Variants in SLC1A2 observed in about 807,000 individuals in gnomAD.
SLC1A2 encodes solute carrier family 1 member 2.
In SLC1A2, 15 loss-of-function variants were observed where a neutral mutation model predicts 48.8. That is an observed-to-expected ratio of 0.31 (90% CI 0.21 to 0.47). The LOEUF (loss-of-function observed/expected upper bound fraction) is 0.47, where lower values mean the gene tolerates loss of function less well. SLC1A2 is among the 20% of genes least tolerant of loss of function. The pLI is 0.99. For synonymous variants in SLC1A2, 279 were observed against 272.6 expected (o/e 1.02, Z -0.23); for missense variants, 502 against 730.5 (o/e 0.69, Z 3.61).
chr11:35,326,603 T>G (rs1852260598), intron 1 of SLC1A2, among the ~76,000 whole-genome samples: 1 of 152,192 alleles, frequency 6.6e-6, no homozygotes, highest in South Asian at 2.1e-4. Context: ...TTTTCTTCCT[T>G]CTAGACTGAG....
chr11:35,389,434 T>C (rs2135233447), intron 1 of SLC1A2, among the ~76,000 whole-genome samples: 1 of 133,544 alleles, frequency 7.5e-6, no homozygotes, highest in East Asian at 2.0e-4. Flanking sequence ...ATTAGTATTT[T>C]CTTCTTCTTC....
At chr11:35,357,877 T>C (rs576290763) in intron 1 of SLC1A2, among the ~76,000 whole-genome samples, 1 of 152,340 alleles carries the variant, frequency 6.6e-6, no homozygotes, top group South Asian at 2.1e-4. Flanking sequence ...CAGTGTGCCA[T>C]GGCTCATGCC....
At chr11:35,284,540 A>G (rs2134705832) in intron 8 of SLC1A2, among the ~76,000 whole-genome samples, 1 of 115,950 alleles carries the variant, frequency 8.6e-6, no homozygotes, top group Non-Finnish European at 1.8e-5. Context: ...TCATGTTTTC[A>G]TATTGTGTGT....
intron 1 of SLC1A2, among the ~76,000 whole-genome samples, chr11:35,378,965 A>G (rs528098965): frequency 6.6e-6 from 1 of 152,220 alleles, no homozygotes; most frequent in Admixed American, 6.5e-5. Flanking sequence ...GCAGTGACTC[A>G]TGCCTGTAAT....
At position 35,265,802 on chromosome 11, in the gene SLC1A2, A is replaced by G. The variant is rs76960251; in HGVS notation, c.1422-44T>C. On this transcript the variant is annotated intron_variant, in intron 9 of 10. Transcript: ENST00000278379. Reference sequence around the variant, plus strand: ...AAAGGTTCAGTGAGGAAGCAGTATTATGTGGTAGTTGAGAGGTCAAGGTCT... The same window carrying G: ...AAAGGTTCAGTGAGGAAGCAGTATTGTGTGGTAGTTGAGAGGTCAAGGTCT... 6.6e-5 allele frequency: 84 copies of G among 1,280,026 alleles called. No individual in the cohort carries two copies. The East Asian group carries it at 1.3e-3, about 20-fold the overall frequency. 79.3% of individuals were successfully genotyped at this position (1,280,026 alleles called of 1,614,324 possible).
At chr11:35,330,727 T>C (rs1197707816) in intron 1 of SLC1A2, among the ~76,000 whole-genome samples, 1 of 152,080 alleles carries the variant, frequency 6.6e-6, no homozygotes, top group Non-Finnish European at 1.5e-5. Flanking sequence ...CACAGCCCAA[T>C]GTTGCTGGCT....
chr11:35,367,992 T>A (rs999548202), intron 1 of SLC1A2, among the ~76,000 whole-genome samples: 2 of 152,222 alleles, frequency 1.3e-5, no homozygotes, highest in Non-Finnish European at 2.9e-5. Flanking sequence ...TCTGCTCTGT[T>A]TGTTAAAAAT....
chr11:35,258,689 C>G lies in SLC1A2; in HGVS notation c.*2205G>C, dbSNP rs2134577855. On this transcript the variant is annotated 3_prime_UTR_variant, in exon 11 of 11. Transcript: ENST00000278379. Reference sequence around the variant, plus strand: ...GGGCACGGTGGCTCACGCCTGTAATCCCAGCACTTTGGGAGGCCATGGCGG... The same window carrying G: ...GGGCACGGTGGCTCACGCCTGTAATGCCAGCACTTTGGGAGGCCATGGCGG... 1 of 152,592 alleles carries G rather than the reference C, an allele frequency of 6.6e-6. No individual in the cohort carries two copies. The highest frequency in any genetic ancestry group is 2.1e-4 in the South Asian group (1 of 4,836). 9.5% of individuals were successfully genotyped at this position (152,592 alleles called of 1,614,324 possible).
chr11:35,374,869 G>A (rs1181646812), intron 1 of SLC1A2, among the ~76,000 whole-genome samples: 1 of 152,142 alleles, frequency 6.6e-6, no homozygotes, highest in Non-Finnish European at 1.5e-5. Context: ...TGTGTAAGGT[G>A]ATACACATAC....
chr11:35,412,127 A>C (rs1256330608), intron 1 of SLC1A2, among the ~76,000 whole-genome samples: 1 of 151,994 alleles, frequency 6.6e-6, no homozygotes, highest in East Asian at 1.9e-4. Flanking sequence ...CAAAATATGG[A>C]TAATACAAAA....
In SLC1A2 at chr11:35,252,411, T is replaced by C. The variant is rs1292349092; in HGVS notation, c.*8483A>G. ...GCAAAGGAGGACTGTAGATGGATGTTCTCATTCTAAACCTACCTAAGTCTA... is the reference window on the plus strand; with the variant it reads ...GCAAAGGAGGACTGTAGATGGATGTCCTCATTCTAAACCTACCTAAGTCTA... On this transcript the variant is annotated 3_prime_UTR_variant, in exon 11 of 11. Transcript: ENST00000278379. 6.6e-6 allele frequency: 1 copy of C among 152,138 alleles called. No individual in the cohort carries two copies. The highest frequency in any genetic ancestry group is 2.4e-5 in the African/African-American group (1 of 41,426). The allele number at this position is 152,138 out of a possible 1,614,324, so 9.4% of individuals were successfully genotyped here. A position where few individuals can be genotyped will look rare whatever the true frequency, so the allele number is the denominator to read the frequency against.
intron 1 of SLC1A2, among the ~76,000 whole-genome samples, chr11:35,411,429 C>T (rs1855457391): frequency 6.6e-6 from 1 of 152,120 alleles, no homozygotes; most frequent in Non-Finnish European, 1.5e-5. Flanking sequence ...CTATCAGATT[C>T]CAACTGTTCT....
In SLC1A2 at chr11:35,388,727, C is replaced by A. The variant is rs369236991; in HGVS notation, c.17+30223G>T. ...GTTTTTATTGAAAGATAACACCCTA[C>A]CCCAGATTGTGAGCATGTAGAGCCT... On this transcript the variant is annotated intron_variant, in intron 1 of 10. Coordinates refer to ENST00000278379, the MANE Select transcript of SLC1A2 (RefSeq NM_004171.4). 9.2e-5 allele frequency among the ~76,000 whole-genome samples: 14 copies of A among 152,266 alleles called. No homozygotes were observed. In the South Asian group the frequency reaches 2.5e-3, roughly 27 times the overall value.
intron 1 of SLC1A2, among the ~76,000 whole-genome samples, chr11:35,417,460 T>A (rs919135455): frequency 1.3e-5 from 2 of 152,236 alleles, no homozygotes; most frequent in Non-Finnish European, 2.9e-5. Context: ...AGAAGGTCCA[T>A]GAAGGCAACC....
At chr11:35,393,689 A>G (rs925055308) in intron 1 of SLC1A2, among the ~76,000 whole-genome samples, 3 of 152,224 alleles carry the variant, frequency 2.0e-5, no homozygotes, top group African/African-American at 7.2e-5. Flanking sequence ...CAAATGTGGG[A>G]AAAAAGTCAC....
rs895874173 is a variant in SLC1A2 at position 35,259,456 on chromosome 11, A to G, written c.*1438T>C. Reference sequence around the variant, plus strand: ...GCGTTATTCAATAAAAAAGGATAGTAGAGACATTAAAAATTTTAGCTTGCA... The same window carrying G: ...GCGTTATTCAATAAAAAAGGATAGTGGAGACATTAAAAATTTTAGCTTGCA... On this transcript the variant is annotated 3_prime_UTR_variant, in exon 11 of 11. Coordinates refer to ENST00000278379, the MANE Select transcript of SLC1A2 (RefSeq NM_004171.4). 2 of 152,670 alleles carry G rather than the reference A, an allele frequency of 1.3e-5. No homozygotes were observed. Among genetic ancestry groups the G allele is most frequent in the African/African-American group, 4.8e-5 (2 of 41,470 alleles). The allele number at this position is 152,670 out of a possible 1,614,324, so 9.5% of individuals were successfully genotyped here. A position where few individuals can be genotyped will look rare whatever the true frequency, so the allele number is the denominator to read the frequency against.
In SLC1A2 at chr11:35,280,853, C is replaced by T; in HGVS notation, c.1421+14G>A. Reference sequence around the variant, plus strand: ...ACTCACAGTCCCAGCAGAACCCCATCCACAGACACTTACAGCAGCCAGTCC... The same window carrying T: ...ACTCACAGTCCCAGCAGAACCCCATTCACAGACACTTACAGCAGCCAGTCC... On this transcript the variant is annotated intron_variant, in intron 9 of 10. Transcript: ENST00000278379. 1 of 1,583,992 alleles carries T rather than the reference C, an allele frequency of 6.3e-7. No individual in the cohort carries two copies. Among genetic ancestry groups the T allele is most frequent in the Non-Finnish European group, 8.6e-7 (1 of 1,161,282 alleles).
At chr11:35,309,221 T>C (rs1367361452) in intron 4 of SLC1A2, among the ~76,000 whole-genome samples, 2 of 152,126 alleles carry the variant, frequency 1.3e-5, no homozygotes, top group African/African-American at 4.8e-5. Flanking sequence ...GTTTCCCTGA[T>C]GTTTGTTTTG....
chr11:35,388,636 C>A (rs1003077571), intron 1 of SLC1A2, among the ~76,000 whole-genome samples: 3 of 152,178 alleles, frequency 2.0e-5, no homozygotes, highest in Non-Finnish European at 4.4e-5. Context: ...CTCAAGTGAT[C>A]CTCCCGCCTC....
Sources: gnomAD v4.1 joint callset for allele counts (sites outside exome capture counted in the v4.1 genomes callset) on GRCh38, gnomAD v4.1.1 for gene constraint, MANE v1.5 for transcripts, NCBI Gene and HGNC (gene_info 2026-07-23, HGNC 2026-07-21) for gene names.